PACRGL: variants seen among roughly 807,000 people sequenced by gnomAD.
PACRGL encodes PACRG-like protein.
Under a neutral mutation model 34.5 loss-of-function variants are expected in PACRGL, and 38 were observed. That is an observed-to-expected ratio of 1.10 (90% CI 0.85 to 1.44). The LOEUF (loss-of-function observed/expected upper bound fraction) is 1.44, where lower values mean the gene tolerates loss of function less well. Ranked by LOEUF, PACRGL falls within the 40% of genes most tolerant of loss-of-function variation. The pLI is 0.00. For missense variants in PACRGL, 305 were observed against 281.4 expected (o/e 1.08, Z -0.60); for synonymous variants, 128 against 100.1 (o/e 1.28, Z -1.66).
chr4:20,707,264 A>AACT (rs201347540), intron 3 of PACRGL, among the ~76,000 whole-genome samples: 2,486 of 152,326 alleles, frequency 0.016, 1 homozygote, highest in African/African-American at 0.057. Flanking sequence ...ATTCATATAT[A>AACT]GCAAAACTGA....
At chr4:20,757,577 T>C (rs182719341), downstream of PACRGL, among the ~76,000 whole-genome samples, 13 of 152,290 alleles carry the variant, frequency 8.5e-5, no homozygotes, top group South Asian at 1.5e-3. Flanking sequence ...CAAATGCCCA[T>C]CTTCAGTTCT....
chr4:20,754,136 G>A (rs566913342), downstream of PACRGL, among the ~76,000 whole-genome samples: 103 of 152,172 alleles, frequency 6.8e-4, 2 homozygotes, highest in African/African-American at 2.1e-3. Flanking sequence ...CCAACAAACC[G>A]TTTCCTCTCT....
chr4:20,737,312 A>AATGTT (rs1458620762), downstream of PACRGL, among the ~76,000 whole-genome samples: 1 of 152,200 alleles, frequency 6.6e-6, no homozygotes, highest in Admixed American at 6.5e-5. Flanking sequence ...AGGTTGGAAA[A>AATGTT]ATGTTCACTG....
chr4:20,713,119 G>C (rs936323795), intron 6 of PACRGL, 197 bp downstream of exon 6: 6 of 586,432 alleles, frequency 1.0e-5, no homozygotes, highest in Admixed American at 3.6e-5. Context: ...GACATCTTTA[G>C]AGGATGTACT....
chr4:20,724,692 C>G, intron 7 of PACRGL, 116 bp from the exon 8 acceptor site: 5 of 458,454 alleles, frequency 1.1e-5, no homozygotes, highest in Non-Finnish European at 1.8e-5. Flanking sequence ...TGAGATGCTT[C>G]CTAAAAAAAG....
At chr4:20,732,615 G>T (rs895548258), downstream of PACRGL, 57 of 948,418 alleles carry the variant, frequency 6.0e-5, no homozygotes, top group South Asian at 6.8e-4. Context: ...TCATCGTGGT[G>T]CATGGCAAAC....
intron 1 of PACRGL, chr4:20,702,817 C>T (rs551991046): frequency 3.3e-5 from 5 of 152,040 alleles, no homozygotes; most frequent in South Asian, 2.1e-4. Context: ...TTTTAATTAC[C>T]GTAGTATTAG....
At chr4:20,751,712 CAT>C (rs1188032113) in intron 8 of PACRGL, among the ~76,000 whole-genome samples, 3 of 152,064 alleles carry the variant, frequency 2.0e-5, no homozygotes, top group Admixed American at 2.0e-4. Flanking sequence ...AAAAAGATAA[CAT>C]GGGTATATGA....
the PACRGL span, chr4:20,758,825 C>T: frequency 6.2e-7 from 1 of 1,611,364 alleles, no homozygotes; most frequent in Non-Finnish European, 8.5e-7. Context: ...ACTTACCTCC[C>T]TGTGGAAAGA....
upstream of PACRGL, among the ~76,000 whole-genome samples, chr4:20,699,233 T>A (rs114990182): frequency 3.2e-3 from 478 of 150,612 alleles, 2 homozygotes; most frequent in East Asian, 0.021. Flanking sequence ...ATTTTTTTTT[T>A]TAAAAATTTC....
intron 8 of PACRGL, among the ~76,000 whole-genome samples, chr4:20,738,959 GT>G (rs778709458): frequency 4.3e-4 from 65 of 152,336 alleles, no homozygotes; most frequent in Middle Eastern, 3.4e-3. Context: ...CTGGCTCAGA[GT>G]GGCCCACACC....
chr4:20,717,011 T>C (rs1232677214), intron 7 of PACRGL, among the ~76,000 whole-genome samples: 4 of 152,230 alleles, frequency 2.6e-5, no homozygotes, highest in Non-Finnish European at 5.9e-5. Flanking sequence ...TCCTGACTTT[T>C]TAATGATTGC....
At chr4:20,732,889 T>G, downstream of PACRGL, 2 of 695,082 alleles carry the variant, frequency 2.9e-6, no homozygotes, top group Non-Finnish European at 4.8e-6. Flanking sequence ...TTTTTGACTT[T>G]TTGTTTGTTG....
chr4:20,724,933 G>A (rs117926579), intron 8 of PACRGL, 45 bp downstream of exon 8: 6 of 1,128,908 alleles, frequency 5.3e-6, no homozygotes, highest in South Asian at 2.0e-5. Flanking sequence ...TAACTTTTAG[G>A]TGTATTACTA....
At chr4:20,715,489 G>A (rs1739477584) in intron 7 of PACRGL, among the ~76,000 whole-genome samples, 2 of 151,766 alleles carry the variant, frequency 1.3e-5, no homozygotes, top group Non-Finnish European at 2.9e-5. Context: ...TATACAGATC[G>A]TTCATAAAAC....
downstream of PACRGL, among the ~76,000 whole-genome samples, chr4:20,735,872 C>A (rs1344039914): frequency 2.6e-5 from 4 of 152,214 alleles, no homozygotes; most frequent in Middle Eastern, 3.4e-3. Context: ...GTTAACGTTA[C>A]AATGTGCTGT....
In PACRGL at chr4:20,704,644, TTC is replaced by T. The variant is rs1485348845; in HGVS notation, c.53-14_53-13del. The T allele has an allele frequency of 3.1e-6, 5 of 1,613,818 alleles. No individual in the cohort carries two copies. The African/African-American group carries it at 4.0e-5, about 13-fold the overall frequency. ...TGCTTGTACCTGGTTTCTATTGATG[TTC>T]TGTTTTTTTCCAGGTAACTATGATC... is the stretch of plus-strand genomic sequence containing the variant. On this transcript the variant is annotated splice_polypyrimidine_tract_variant and intron_variant, in intron 2 of 8. Coordinates refer to ENST00000503585, the MANE Select transcript of PACRGL (RefSeq NM_001258345.3).
At chr4:20,715,997 A>C in intron 7 of PACRGL, 2 of 931,678 alleles carry the variant, frequency 2.1e-6, no homozygotes, top group Non-Finnish European at 3.1e-6. Context: ...AAACATGTTT[A>C]AGTATTTTTG....
chr4:20,714,542 A>C (rs4510461), intron 7 of PACRGL, among the ~76,000 whole-genome samples: 49,362 of 151,956 alleles, frequency 0.32, 8,483 homozygotes, highest in African/African-American at 0.43. Context: ...TCCCGTCATT[A>C]TGATATTAGC....
Sources: gnomAD v4.1 joint callset for allele counts (sites outside exome capture counted in the v4.1 genomes callset) on GRCh38, gnomAD v4.1.1 for gene constraint, MANE v1.5 for transcripts, NCBI Gene and HGNC (gene_info 2026-07-23, HGNC 2026-07-21) for gene names.